NRXN3: variants seen among roughly 807,000 people sequenced by gnomAD.
NRXN3 encodes neurexin III.
NRXN3 carries 32 observed loss-of-function variants against 137.6 expected under a neutral mutation model. The observed-to-expected ratio is 0.23, with a 90% CI of 0.18 to 0.31. NRXN3 has a LOEUF of 0.31. NRXN3 is among the 10% of genes least tolerant of loss of function. NRXN3 has a pLI of 1.00. For synonymous variants in NRXN3, 798 were observed against 784.5 expected, an observed-to-expected ratio of 1.02 and a Z score of -0.29; for missense variants, 1,574 against 2,062.5, an observed-to-expected ratio of 0.76 and a Z score of 4.59.
intron 8 of NRXN3, among the ~76,000 whole-genome samples, chr14:78,792,639 T>C (rs1166949710): frequency 6.6e-6 from 1 of 152,238 alleles, no homozygotes; most frequent in Non-Finnish European, 1.5e-5. Context: ...AAGATGTGCA[T>C]TGATCAAGTC....
intron 15 of NRXN3, among the ~76,000 whole-genome samples, chr14:79,234,326 A>ATATATAT (rs2072939298): frequency 9.0e-6 from 1 of 111,708 alleles, no homozygotes; most frequent in African/African-American, 3.7e-5. Flanking sequence ...ATATATATAT[A>ATATATAT]TATATATATA....
At chr14:78,827,313 C>G (rs1415113544) in intron 10 of NRXN3, among the ~76,000 whole-genome samples, 1 of 151,020 alleles carries the variant, frequency 6.6e-6, no homozygotes, top group Non-Finnish European at 1.5e-5. Flanking sequence ...GAAATAATTA[C>G]CTATTCACCA....
chr14:79,439,696 T>C (rs1327200126), intron 15 of NRXN3, among the ~76,000 whole-genome samples: 1 of 152,250 alleles, frequency 6.6e-6, no homozygotes, highest in East Asian at 1.9e-4. Flanking sequence ...AATTATTTTC[T>C]CATTCTGTCA....
chr14:79,651,878 A>G (rs1184823546), intron 16 of NRXN3, among the ~76,000 whole-genome samples: 2 of 152,156 alleles, frequency 1.3e-5, no homozygotes, highest in African/African-American at 4.8e-5. Context: ...CCTAAAGCTA[A>G]TGTTGACTCT....
chr14:78,372,948 G>C (rs7149679), intron 4 of NRXN3, among the ~76,000 whole-genome samples: 149,157 of 152,312 alleles, frequency 0.98, 73,083 homozygotes, highest in Non-Finnish European at 1. Context: ...GGCAAGAAAC[G>C]TAGGTAGAAT....
chr14:79,301,420 G>T (rs1378423924), intron 15 of NRXN3, among the ~76,000 whole-genome samples: 1 of 152,088 alleles, frequency 6.6e-6, no homozygotes, highest in East Asian at 1.9e-4. Flanking sequence ...AGGCCATTCT[G>T]AACCAGTGGT....
At chr14:79,589,071 A>G (rs1365481265) in intron 16 of NRXN3, among the ~76,000 whole-genome samples, 1 of 152,176 alleles carries the variant, frequency 6.6e-6, no homozygotes, top group Non-Finnish European at 1.5e-5. Flanking sequence ...CCTGGGCAAC[A>G]TGGCGAAACC....
chr14:79,291,501 A>G (rs746650441), intron 15 of NRXN3, among the ~76,000 whole-genome samples: 25 of 151,544 alleles, frequency 1.6e-4, no homozygotes, highest in Non-Finnish European at 3.1e-4. Flanking sequence ...GATTACTGGC[A>G]TAGCCACCAT....
chr14:79,342,250 G>A (rs976703462), intron 15 of NRXN3, among the ~76,000 whole-genome samples: 1 of 152,156 alleles, frequency 6.6e-6, no homozygotes, highest in Non-Finnish European at 1.5e-5. Flanking sequence ...GAGAGCAAAG[G>A]TCAGACTGTT....
At chr14:78,693,479 G>A (rs2098193049) in intron 6 of NRXN3, among the ~76,000 whole-genome samples, 1 of 151,824 alleles carries the variant, frequency 6.6e-6, no homozygotes, top group Non-Finnish European at 1.5e-5. Flanking sequence ...TTGTACTTAA[G>A]ACTATGATTT....
At position 79,755,179 on chromosome 14, in the gene NRXN3, C is replaced by A. The variant is rs145569694; in HGVS notation, c.4015-49933C>A. On this transcript the variant is annotated intron_variant, in intron 19 of 20. Coordinates refer to ENST00000335750, the MANE Select transcript of NRXN3 (RefSeq NM_001330195.2). Reference sequence around the variant, plus strand: ...CATTTCTCATTTATATGATATAAACCTATACATATCCTCTCACGTACTTTA... The same window carrying A: ...CATTTCTCATTTATATGATATAAACATATACATATCCTCTCACGTACTTTA... Among the ~76,000 whole-genome samples, 6 of 152,132 alleles carry A rather than the reference C, an allele frequency of 3.9e-5. No homozygotes were observed. The East Asian group carries it at 1.2e-3, about 29-fold the overall frequency.
intron 3 of NRXN3, 110 bp from the exon 4 acceptor site, chr14:78,297,721 C>T (rs1353645718): frequency 9.5e-6 from 8 of 839,300 alleles, no homozygotes; most frequent in Non-Finnish European, 1.2e-5. Flanking sequence ...CTCCTTTTTC[C>T]ACTCAAGGAT....
chr14:79,329,397 G>A (rs1266181213), intron 15 of NRXN3, among the ~76,000 whole-genome samples: 3 of 152,114 alleles, frequency 2.0e-5, no homozygotes, highest in East Asian at 1.9e-4. Flanking sequence ...GTTTCAAGAC[G>A]GAGAGACAGG....
At chr14:79,773,985 A>G (rs1270431832) in intron 19 of NRXN3, among the ~76,000 whole-genome samples, 1 of 152,076 alleles carries the variant, frequency 6.6e-6, no homozygotes, top group African/African-American at 2.4e-5. Context: ...TAAATACTTT[A>G]TATGTGTCCC....
intron 16 of NRXN3, among the ~76,000 whole-genome samples, chr14:79,546,155 T>A (rs968115681): frequency 1.1e-4 from 17 of 151,950 alleles, no homozygotes; most frequent in African/African-American, 4.1e-4. Context: ...AACCTCTTTC[T>A]TTTGTAAATT....
intron 19 of NRXN3, among the ~76,000 whole-genome samples, chr14:79,710,226 A>AACTT (rs1567969228): frequency 3.3e-5 from 5 of 152,124 alleles, no homozygotes; most frequent in Admixed American, 2.6e-4. Context: ...AATATGATAT[A>AACTT]ACTTATGCAA....
At chr14:78,900,365 G>T (rs1020614992) in intron 10 of NRXN3, among the ~76,000 whole-genome samples, 1 of 151,926 alleles carries the variant, frequency 6.6e-6, no homozygotes, top group Admixed American at 6.6e-5. Context: ...TGTGGCTTCA[G>T]GTCCTGTTTA....
intron 4 of NRXN3, among the ~76,000 whole-genome samples, chr14:78,320,655 G>A (rs1239793604): frequency 1.3e-5 from 2 of 152,212 alleles, no homozygotes; most frequent in African/African-American, 4.8e-5. Context: ...CAAGGGAGGA[G>A]TGCCTCACGC....
intron 4 of NRXN3, among the ~76,000 whole-genome samples, chr14:78,351,416 T>A (rs552742692): frequency 6.6e-5 from 10 of 152,328 alleles, no homozygotes; most frequent in Admixed American, 3.9e-4. Context: ...GAAGACTTTC[T>A]GAAGTGATTG....
Sources: allele counts gnomAD v4.1 joint callset (sites outside exome capture counted in the v4.1 genomes callset), GRCh38; gene constraint gnomAD v4.1.1; transcripts MANE v1.5; gene names NCBI Gene and HGNC (gene_info 2026-07-23, HGNC 2026-07-21).